TRAF2: variants seen among roughly 807,000 people sequenced by gnomAD.
TRAF2 encodes the protein TNF receptor-associated factor 2.
A neutral mutation model predicts 55.6 loss-of-function variants in TRAF2; 6 were observed. The ratio of observed to expected loss-of-function variants is 0.11; its 90% CI spans 0.06 to 0.21. The LOEUF (loss-of-function observed/expected upper bound fraction) is 0.21, where lower values mean the gene tolerates loss of function less well. TRAF2 is among the 10% of genes least tolerant of loss of function. TRAF2 has a pLI of 1.00. For missense variants in TRAF2, 561 were observed against 684.5 expected (o/e 0.82, Z 2.01); for synonymous variants, 329 against 276.3 (o/e 1.19, Z -1.89).
upstream of TRAF2, chr9:136,886,469 C>A: frequency 2.0e-6 from 2 of 995,170 alleles, no homozygotes; most frequent in Non-Finnish European, 2.4e-6. Context: ...CGCGGCGGAG[C>A]GGCGGCGGCG....
upstream of TRAF2, chr9:136,882,182 G>A (rs992780287): frequency 2.1e-6 from 1 of 468,758 alleles, no homozygotes; most frequent in Non-Finnish European, 2.8e-6. Flanking sequence ...GACATGAGGT[G>A]TGAGCCTTCA....
rs545132334 is a variant in TRAF2, at chr9:136,920,468, C to T, written c.913C>T (p.Arg305Trp). Residue 305 changes from arginine to tryptophan, a missense_variant, in exon 8 of 11, where the codon CGG (arginine) becomes TGG (tryptophan). Transcript: ENST00000247668. ...RVAMTAEACS[R>W]QHRLDQDKIE... Reference sequence around the variant, plus strand: ...GGCCATGACTGCCGAGGCCTGCAGCCGGCAGCACCGGCTGGACCAAGACAA... The same window carrying T: ...GGCCATGACTGCCGAGGCCTGCAGCTGGCAGCACCGGCTGGACCAAGACAA... 2.2e-5 allele frequency: 36 copies of T among 1,613,580 alleles called. 1 individual carries two copies. The highest frequency in any genetic ancestry group is 1.5e-4 in the South Asian group (14 of 91,060).
chr9:136,908,871 G>GA (rs11418746), intron 5 of TRAF2, among the ~76,000 whole-genome samples: 63,904 of 84,392 alleles, frequency 0.76, 24,545 homozygotes, highest in East Asian at 0.86. Flanking sequence ...TTCCGTCTCG[G>GA]AAAAAAAAAA....
chr9:136,900,776 C>T (rs559008813), intron 4 of TRAF2: 10 of 454,520 alleles, frequency 2.2e-5, no homozygotes, highest in South Asian at 1.9e-4. Flanking sequence ...CTCTGTGCCT[C>T]AGGTTTCTTG....
chr9:136,886,424 G>A (rs1849447975), upstream of TRAF2: 4 of 999,072 alleles, frequency 4.0e-6, no homozygotes, highest in African/African-American at 5.2e-5. Flanking sequence ...CCTGAGGGCT[G>A]GCTGGTTGGC....
Position 136,908,153 on chromosome 9 carries a change from C to T in TRAF2, c.450C>T (p.Arg150=). ...KGLVRLGEKE[R]HLEHECPERS... ...TGGTCCGCCTTGGTGAAAAGGAGCG[C>T]CACCTGGAGCACGAGTGCCCGGAGA... The change falls in exon 5 of 11, where the codon CGC becomes CGT. Residue 150 remains arginine, a synonymous_variant. Coordinates refer to ENST00000247668, the MANE Select transcript of TRAF2 (RefSeq NM_021138.4). 5 of 1,604,118 alleles carry T rather than the reference C, an allele frequency of 3.1e-6. No homozygotes were observed. The East Asian group carries it at 8.9e-5, about 29-fold the overall frequency.
chr9:136,916,564 T>C lies in TRAF2; in HGVS notation c.627T>C (p.Cys209=). 1 of 1,614,080 alleles carries C rather than the reference T, an allele frequency of 6.2e-7. No homozygotes were observed. Among genetic ancestry groups the C allele is most frequent in the Non-Finnish European group, 8.5e-7 (1 of 1,179,978 alleles). Residue 209 remains cysteine, a synonymous_variant, in exon 7 of 11, where the codon TGT becomes TGC. Transcript: ENST00000247668. The stretch of plus-strand genomic sequence containing the variant: ...AGTTTCAGGACCACGTCAAGACTTG[T>C]GGCAAGTGTCGAGTCCCTTGCAGAT... The part of the protein sequence containing the change: ...REKFQDHVKT[C]GKCRVPCRFH...
chr9:136,916,691 C>T lies in TRAF2; in HGVS notation c.678+76C>T, dbSNP rs1850250561. 6.3e-6 allele frequency: 9 copies of T among 1,435,120 alleles called. 1 individual carries two copies. The South Asian group carries it at 8.0e-5, about 13-fold the overall frequency. The allele number at this position is 1,435,120 out of a possible 1,614,324, so 88.9% of individuals were successfully genotyped here. A position where few individuals can be genotyped will look rare whatever the true frequency, so the allele number is the denominator to read the frequency against. ...CTTCACTGCCTCCAGCCCAGTGCTT[C>T]CTGGTTTCCTTCCAGCTGCTCCTCA... On this transcript the variant is annotated intron_variant, in intron 7 of 10. Transcript: ENST00000247668.
At chr9:136,903,599 T>C (rs1849873679) in intron 4 of TRAF2, among the ~76,000 whole-genome samples, 1 of 151,782 alleles carries the variant, frequency 6.6e-6, no homozygotes. Flanking sequence ...ATGGTGCTGG[T>C]GTAGATGTAT....
intron 10 of TRAF2, among the ~76,000 whole-genome samples, chr9:136,924,940 T>G (rs893390890): frequency 2.6e-5 from 4 of 152,142 alleles, no homozygotes; most frequent in African/African-American, 9.7e-5. Flanking sequence ...GGTTTCTCCA[T>G]GTTGGCCAGG....
At chr9:136,918,009 C>T (rs929139573) in intron 7 of TRAF2, among the ~76,000 whole-genome samples, 11 of 151,974 alleles carry the variant, frequency 7.2e-5, no homozygotes, top group African/African-American at 2.7e-4. Flanking sequence ...TCTCCCCGTG[C>T]TGGCACACCC....
upstream of TRAF2, chr9:136,886,319 T>C: frequency 6.9e-6 from 6 of 875,090 alleles, no homozygotes; most frequent in Middle Eastern, 1.0e-3. Flanking sequence ...CGGCGCACGC[T>C]GCGGCTCCTG....
intron 4 of TRAF2, among the ~76,000 whole-genome samples, chr9:136,904,138 A>AT (rs1564410871): frequency 6.6e-6 from 1 of 151,936 alleles, no homozygotes; most frequent in Non-Finnish European, 1.5e-5. Flanking sequence ...CCCCACACAC[A>AT]TTTTTTTCTT....
intron 1 of TRAF2, among the ~76,000 whole-genome samples, chr9:136,897,803 C>CA: frequency 7.2e-6 from 1 of 139,694 alleles, no homozygotes; most frequent in Non-Finnish European, 1.5e-5. Context: ...TGCTACGTTC[C>CA]GCTCTCGGGG....
chr9:136,882,052 G>T (rs1849381313), upstream of TRAF2: 1 of 985,376 alleles, frequency 1.0e-6, no homozygotes, highest in South Asian at 4.7e-5. Flanking sequence ...TTCCCCTGGG[G>T]ACAGCACCAG....
In TRAF2 at chr9:136,920,533, G is replaced by A; in HGVS notation, c.960+18G>A. The stretch of plus-strand genomic sequence containing the variant: ...GTAGCAAGGTTTGTGCCTGCCGGGT[G>A]GCCAGCCATGAGGAGGACAGTGTAA... On this transcript the variant is annotated intron_variant, in intron 8 of 10. Transcript: ENST00000247668. The A allele has an allele frequency of 6.3e-7, 1 of 1,597,732 alleles. No homozygotes were observed. The highest frequency in any genetic ancestry group is 8.5e-7 in the Non-Finnish European group (1 of 1,170,750).
At position 136,926,041 on chromosome 9, in the gene TRAF2, C is replaced by T. The variant is rs1353066191; in HGVS notation, c.*140C>T. ...CGCTTGGGAGGGTGTCGGCCTGCAG[C>T]CAAGTTCACTGTCACGGGGGAAGGA... On this transcript the variant is annotated 3_prime_UTR_variant, in exon 11 of 11. Coordinates refer to ENST00000247668, the MANE Select transcript of TRAF2 (RefSeq NM_021138.4). The T allele has an allele frequency of 9.7e-7, 1 of 1,030,814 alleles. No individual in the cohort carries two copies. Among genetic ancestry groups the T allele is most frequent in the African/African-American group, 1.6e-5 (1 of 64,028 alleles). 63.9% of individuals were successfully genotyped at this position (1,030,814 alleles called of 1,614,324 possible). A position where few individuals can be genotyped will look rare whatever the true frequency, so the allele number is the denominator to read the frequency against.
At chr9:136,908,900 C>T (rs1345719645) in intron 5 of TRAF2, among the ~76,000 whole-genome samples, 2 of 138,128 alleles carry the variant, frequency 1.4e-5, no homozygotes, top group African/African-American at 2.8e-5. Flanking sequence ...AAGCCAGGCA[C>T]GGTGGCGAGT....
At chr9:136,888,892 A>T (rs1253526099) in intron 1 of TRAF2, among the ~76,000 whole-genome samples, 1 of 152,072 alleles carries the variant, frequency 6.6e-6, no homozygotes, top group African/African-American at 2.4e-5. Context: ...TGTGGAGGGG[A>T]GTCTCGCTCT....
Sources: allele counts gnomAD v4.1 joint callset (sites outside exome capture counted in the v4.1 genomes callset), GRCh38; gene constraint gnomAD v4.1.1; transcripts MANE v1.5; gene names NCBI Gene and HGNC (gene_info 2026-07-23, HGNC 2026-07-21).